AKAP12: variants seen among roughly 807,000 people sequenced by gnomAD.
The protein encoded by AKAP12 is A-kinase anchoring protein 12.
In AKAP12, 32 loss-of-function variants were observed where a neutral mutation model predicts 79.9. The observed-to-expected ratio is 0.40, with a 90% CI of 0.30 to 0.54. AKAP12 has a LOEUF of 0.54. Among genes scored for constraint, AKAP12 ranks in the 20% least tolerant of loss-of-function variants. The probability of loss-of-function intolerance (pLI) is 0.48; values close to 1 mark genes in which losing one functional copy is unlikely to be tolerated. For synonymous variants in AKAP12, 808 were observed against 857.0 expected (o/e 0.94, Z 1.00); for missense variants, 2,074 against 2,177.0 (o/e 0.95, Z 0.94).
intron 3 of AKAP12, chr6:151,324,380 G>C (rs1157674493): frequency 1.0e-6 from 1 of 985,258 alleles, no homozygotes; most frequent in Non-Finnish European, 1.2e-6. Context: ...CGGTTTTCAC[G>C]TTGCTCACTC....
chr6:151,285,046 C>T (rs1315380019), intron 2 of AKAP12, among the ~76,000 whole-genome samples: 2 of 152,160 alleles, frequency 1.3e-5, no homozygotes, highest in Non-Finnish European at 2.9e-5. Flanking sequence ...GATTCAGGCA[C>T]TTTATTTTAG....
intron 2 of AKAP12, among the ~76,000 whole-genome samples, chr6:151,289,724 T>A (rs1776575153): frequency 6.6e-6 from 1 of 152,266 alleles, no homozygotes; most frequent in African/African-American, 2.4e-5. Flanking sequence ...CAATACATTC[T>A]AGGCTGGCCT....
chr6:151,305,949 A>G (rs1776969652), intron 3 of AKAP12, 46 bp downstream of exon 3: 1 of 1,555,312 alleles, frequency 6.4e-7, no homozygotes, highest in African/African-American at 1.4e-5. Flanking sequence ...CACTTGCAAC[A>G]AACTTTGGAC....
chr6:151,242,353 T>C (rs1228390630), intron 2 of AKAP12, among the ~76,000 whole-genome samples: 1 of 152,174 alleles, frequency 6.6e-6, no homozygotes, highest in Non-Finnish European at 1.5e-5. Context: ...TTTTTCCGTC[T>C]TCCATAACCT....
At chr6:151,285,793 C>T (rs1348531699) in intron 2 of AKAP12, among the ~76,000 whole-genome samples, 1 of 103,268 alleles carries the variant, frequency 9.7e-6, no homozygotes, top group African/African-American at 3.4e-5. Context: ...ACATCATTTC[C>T]TGTAAGTCAG....
At chr6:151,258,833 A>G (rs1414570989) in intron 2 of AKAP12, among the ~76,000 whole-genome samples, 11 of 151,512 alleles carry the variant, frequency 7.3e-5, no homozygotes, top group African/African-American at 2.7e-4. Flanking sequence ...TCACCATGTT[A>G]GTCAGGCTGG....
chr6:151,334,761 A>ACAGGCGC (rs762280362), intron 3 of AKAP12, among the ~76,000 whole-genome samples: 70 of 151,474 alleles, frequency 4.6e-4, no homozygotes, highest in Non-Finnish European at 6.6e-4. Context: ...AGCTGGGACT[A>ACAGGCGC]CAGGCGCCCG....
At chr6:151,246,210 A>T (rs1328965580) in intron 2 of AKAP12, among the ~76,000 whole-genome samples, 1 of 152,204 alleles carries the variant, frequency 6.6e-6, no homozygotes, top group East Asian at 1.9e-4. Context: ...CAAGGTCAGG[A>T]GTTCGAGACC....
intron 2 of AKAP12, among the ~76,000 whole-genome samples, chr6:151,244,523 C>T (rs1026068117): frequency 7.5e-6 from 1 of 132,730 alleles, no homozygotes; most frequent in Non-Finnish European, 1.7e-5. Context: ...GACTCTGTCT[C>T]AAAGAAACAA....
chr6:151,259,413 T>C (rs911390634), intron 2 of AKAP12, among the ~76,000 whole-genome samples: 12 of 149,926 alleles, frequency 8.0e-5, no homozygotes, highest in Non-Finnish European at 3.0e-5. Flanking sequence ...TATATTTATA[T>C]ATGTATATAT....
chr6:151,322,721 C>CGCCACTGGGCGTGTCCACCACCCACTCCT (rs1378417437), intron 3 of AKAP12, among the ~76,000 whole-genome samples: 33 of 143,698 alleles, frequency 2.3e-4, no homozygotes, highest in African/African-American at 8.0e-4. Context: ...CACCCACTCC[C>CGCCACTGGGCGTGTCCACCACCCACTCCT]GCCACTGGGC....
At chr6:151,251,870 G>A (rs193030705) in intron 2 of AKAP12, among the ~76,000 whole-genome samples, 6 of 152,072 alleles carry the variant, frequency 3.9e-5, no homozygotes, top group Admixed American at 2.6e-4. Flanking sequence ...GGTGGCACGC[G>A]CCTGTAGTCC....
chr6:151,255,904 G>T (rs1442736614), intron 2 of AKAP12, among the ~76,000 whole-genome samples: 1 of 152,204 alleles, frequency 6.6e-6, no homozygotes. Flanking sequence ...TGAACTTGGG[G>T]TCTTTCTTTG....
rs753066600 is a variant in AKAP12 at position 151,353,012 on chromosome 6, G to C, written c.4621G>C (p.Glu1541Gln). The C allele has an allele frequency of 6.2e-7, 1 of 1,614,018 alleles. No individual in the cohort carries two copies. The highest frequency in any genetic ancestry group is 2.2e-5 in the East Asian group (1 of 44,886). The change falls in exon 4 of 5, where the codon GAA becomes CAA. Residue 1541 changes from glutamate to glutamine, a missense_variant. Transcript: ENST00000402676. ...TTTAGAGCCTGAAAATGGGATTTTG[G>C]AACTTGAGACCAAAAGCAGTAAACT... The part of the protein sequence containing the change: ...EDLEPENGIL[E>Q]LETKSSKLVQ...
At chr6:151,265,790 T>C (rs1159938776) in intron 2 of AKAP12, among the ~76,000 whole-genome samples, 2 of 152,202 alleles carry the variant, frequency 1.3e-5, no homozygotes, top group Admixed American at 6.5e-5. Context: ...TAATGATGAT[T>C]ATAATAACCT....
rs1425397659 is a variant in AKAP12 at position 151,341,786 on chromosome 6, G to T, written c.320-6925G>T. The T allele has an allele frequency of 9.3e-6, 12 of 1,286,800 alleles. No individual in the cohort carries two copies. The Admixed American group carries it at 2.8e-4, about 30-fold the overall frequency. 79.7% of individuals were successfully genotyped at this position (1,286,800 alleles called of 1,614,324 possible). A position where few individuals can be genotyped will look rare whatever the true frequency, so the allele number is the denominator to read the frequency against. ...TGTCCCTTAGGACCGGCCCGAGATG[G>T]GTGTGTGTGGGTTTTCCAGCCTCCT... is the stretch of plus-strand genomic sequence containing the variant. On this transcript the variant is annotated intron_variant, in intron 3 of 4. Transcript: ENST00000402676.
chr6:151,317,254 A>C (rs2114772825), intron 3 of AKAP12, among the ~76,000 whole-genome samples: 1 of 152,322 alleles, frequency 6.6e-6, no homozygotes, highest in East Asian at 1.9e-4. Context: ...AAAGGAAGCC[A>C]TTTATTCCTC....
chr6:151,296,853 T>A (rs576781864), intron 2 of AKAP12, among the ~76,000 whole-genome samples: 1 of 152,202 alleles, frequency 6.6e-6, no homozygotes, highest in Admixed American at 6.5e-5. Context: ...TTGATCCAGT[T>A]CCCTCACAAA....
Position 151,301,999 on chromosome 6 carries a change from G to A in AKAP12, c.163-3748G>A, listed in dbSNP as rs187972260. 3.1e-3 allele frequency among the ~76,000 whole-genome samples: 464 copies of A among 150,970 alleles called. 5 individuals are homozygous for A. The highest frequency in any genetic ancestry group is 5.3e-3 in the Non-Finnish European group (358 of 67,804). ...ATCTAATGTACTTTGCTATGTGTGT[G>A]TAACATCTCTTTTTTTTTTCTTTTT... On this transcript the variant is annotated intron_variant, in intron 2 of 4. Coordinates refer to ENST00000402676, the MANE Select transcript of AKAP12 (RefSeq NM_005100.4).
Sources: allele counts gnomAD v4.1 joint callset (sites outside exome capture counted in the v4.1 genomes callset), GRCh38; gene constraint gnomAD v4.1.1; transcripts MANE v1.5; gene names NCBI Gene and HGNC (gene_info 2026-07-23, HGNC 2026-07-21).